Variants in CDH23 observed in about 807,000 individuals in gnomAD.
CDH23 encodes cadherin related 23.
Under a neutral mutation model 317.1 loss-of-function variants are expected in CDH23, and 189 were observed. That is an observed-to-expected ratio of 0.60 (90% confidence interval 0.53 to 0.67). CDH23 has a LOEUF of 0.67. Among genes scored for constraint, CDH23 ranks in the 30% least tolerant of loss-of-function variants. The pLI is 0.00. For missense variants in CDH23, 4,401 were observed against 4,592.4 expected (o/e 0.96, Z 1.20); for synonymous variants, 1,839 against 1,876.8 (o/e 0.98, Z 0.52).
In CDH23 at chr10:71,446,150, C is replaced by T. The variant is rs73283717; in HGVS notation, c.68-168C>T. ...CTGCCTGCCGACCTACTGGCATTGTCCCCCACTTGCCTTGAGGCAGGATAG... is the reference window on the plus strand; with the variant it reads ...CTGCCTGCCGACCTACTGGCATTGTTCCCCACTTGCCTTGAGGCAGGATAG... On this transcript the variant is annotated intron_variant, in intron 2 of 69. Coordinates refer to ENST00000224721, the MANE Select transcript of CDH23 (RefSeq NM_022124.6). 0.012 allele frequency among the ~76,000 whole-genome samples: 1,818 copies of T among 152,312 alleles called. 33 individuals carry two copies. Among genetic ancestry groups the T allele is most frequent in the African/African-American group, 0.041 (1,691 of 41,568 alleles).
At chr10:71,697,009 T>C (rs1757170589) in intron 22 of CDH23, among the ~76,000 whole-genome samples, 1 of 152,232 alleles carries the variant, frequency 6.6e-6, no homozygotes. Context: ...ACCCTCACCT[T>C]TCCCTTAGGT....
Position 71,677,788 on chromosome 10 carries a change from A to G in CDH23, c.1752+95A>G, listed in dbSNP as rs190294463. 1.7e-5 allele frequency: 18 copies of G among 1,035,454 alleles called. No individual in the cohort carries two copies. In the East Asian group the frequency reaches 4.4e-4, roughly 25 times the overall value. The allele number at this position is 1,035,454 out of a possible 1,614,324, so 64.1% of individuals were successfully genotyped here. A position where few individuals can be genotyped will look rare whatever the true frequency, so the allele number is the denominator to read the frequency against. On this transcript the variant is annotated intron_variant, in intron 16 of 69. Coordinates refer to ENST00000224721, the MANE Select transcript of CDH23 (RefSeq NM_022124.6). ...TCTTTTTTGTTTTTGTTTTTATGAG[A>G]CAGGTCTCACTCTTTCACCCAGGCT...
In CDH23 at chr10:71,790,373, G is replaced by A. The variant is rs2132948131; in HGVS notation, c.6009G>A (p.Leu2003=). 2.5e-6 allele frequency: 4 copies of A among 1,613,640 alleles called. No homozygotes were observed. Among genetic ancestry groups the A allele is most frequent in the Non-Finnish European group, 3.4e-6 (4 of 1,179,838 alleles). Residue 2003 remains leucine (L), a synonymous_variant, in exon 46 of 70, where the codon CTG becomes CTA. Transcript: ENST00000224721. ...DIYAVVTYQL[L]GAQSGLFDIN... ...ACGCCGTGGTGACCTACCAGCTGCT[G>A]GGTGCCCAGAGTGGCCTCTTTGACA...
intron 2 of CDH23, among the ~76,000 whole-genome samples, chr10:71,442,590 C>T (rs1421078637): frequency 6.7e-6 from 1 of 149,626 alleles, no homozygotes; most frequent in Non-Finnish European, 1.5e-5. Context: ...GCCTCCTGCC[C>T]TTCTCCCCTC....
At chr10:71,568,703 C>T (rs1037117187) in intron 7 of CDH23, among the ~76,000 whole-genome samples, 8 of 152,136 alleles carry the variant, frequency 5.3e-5, no homozygotes, top group Admixed American at 2.6e-4. Flanking sequence ...AGGAGATTCT[C>T]GGCCTGGCAT....
chr10:71,517,787 C>T (rs900688939), intron 6 of CDH23, among the ~76,000 whole-genome samples: 2 of 152,250 alleles, frequency 1.3e-5, no homozygotes, highest in African/African-American at 4.8e-5. Flanking sequence ...GGGCTCTGGA[C>T]TCCTGCAGGC....
intron 36 of CDH23, 75 bp downstream of exon 36, chr10:71,739,847 G>A: frequency 6.7e-7 from 1 of 1,490,472 alleles, no homozygotes; most frequent in Non-Finnish European, 9.0e-7. Context: ...CCATCCAGGA[G>A]AGAGCCTGTC....
At chr10:71,741,671 C>CTGCT in intron 37 of CDH23, 23 bp from the exon 38 acceptor site, 1 of 1,581,760 alleles carries the variant, frequency 6.3e-7, no homozygotes, top group South Asian at 1.2e-5. Flanking sequence ...TCCAGAATGA[C>CTGCT]TGCTCTCCTG....
At chr10:71,604,893 A>G (rs1860438313) in intron 9 of CDH23, among the ~76,000 whole-genome samples, 1 of 152,124 alleles carries the variant, frequency 6.6e-6, no homozygotes, top group Admixed American at 6.5e-5. Flanking sequence ...TCCTTCCTTC[A>G]TCCTAGCTGA....
At chr10:71,558,544 ATTG>A (rs546530576) in intron 6 of CDH23, among the ~76,000 whole-genome samples, 123 of 152,176 alleles carry the variant, frequency 8.1e-4, no homozygotes, top group Admixed American at 1.5e-3. Flanking sequence ...AAAGATGCTT[ATTG>A]TTGTTATTCC....
At chr10:71,496,033 G>C (rs937694714) in intron 3 of CDH23, among the ~76,000 whole-genome samples, 1 of 152,196 alleles carries the variant, frequency 6.6e-6, no homozygotes, top group Admixed American at 6.5e-5. Context: ...TCTCTTGGTA[G>C]TTCTGATGCA....
intron 1 of CDH23, among the ~76,000 whole-genome samples, chr10:71,412,954 G>A (rs1848400149): frequency 6.6e-6 from 1 of 152,150 alleles, no homozygotes; most frequent in African/African-American, 2.4e-5. Context: ...CATAGATAGT[G>A]TGCTTTGATG....
chr10:71,439,804 CT>C, intron 1 of CDH23, 22 bp from the exon 2 acceptor site: 3 of 1,547,590 alleles, frequency 1.9e-6, no homozygotes, highest in Non-Finnish European at 2.6e-6. Context: ...TTCTCACCCT[CT>C]TCTCTTTCTT....
chr10:71,476,503 T>A (rs1851802661), intron 3 of CDH23, among the ~76,000 whole-genome samples: 1 of 152,120 alleles, frequency 6.6e-6, no homozygotes, highest in Admixed American at 6.6e-5. Flanking sequence ...TCCTGAGGAT[T>A]CTCTGGAAAG....
chr10:71,740,409 G>C (rs1250196712), intron 36 of CDH23, among the ~76,000 whole-genome samples: 1 of 152,226 alleles, frequency 6.6e-6, no homozygotes, highest in Admixed American at 6.5e-5. Flanking sequence ...GTTTGCCAGA[G>C]ATCATGGGAC....
At chr10:71,605,897 G>A (rs1860500592) in intron 9 of CDH23, among the ~76,000 whole-genome samples, 1 of 152,186 alleles carries the variant, frequency 6.6e-6, no homozygotes, top group Non-Finnish European at 1.5e-5. Context: ...GCAGTGTAAA[G>A]GTTTTTCAGG....
intron 11 of CDH23, among the ~76,000 whole-genome samples, chr10:71,625,311 C>T (rs1010022825): frequency 7.3e-6 from 1 of 136,994 alleles, no homozygotes; most frequent in Middle Eastern, 3.9e-3. Flanking sequence ...CAGGAGATGA[C>T]ATGGTTCATT....
chr10:71,742,603 A>G (rs978756409), intron 38 of CDH23, among the ~76,000 whole-genome samples: 3 of 152,226 alleles, frequency 2.0e-5, no homozygotes, highest in Admixed American at 6.5e-5. Context: ...GGCTGGCTGC[A>G]TGATCTTGAG....
At chr10:71,403,333 TTC>T (rs1293280640) in intron 1 of CDH23, among the ~76,000 whole-genome samples, 3 of 33,038 alleles carry the variant, frequency 9.1e-5, no homozygotes, top group Non-Finnish European at 1.7e-4. Context: ...CTTCCTTTCT[TTC>T]TTTCTTTCTT....
Sources: allele counts gnomAD v4.1 joint callset (sites outside exome capture counted in the v4.1 genomes callset), GRCh38; gene constraint gnomAD v4.1.1; transcripts MANE v1.5; gene names NCBI Gene and HGNC (gene_info 2026-07-23, HGNC 2026-07-21).